The following HNRNPH1 variants were observed in gnomAD, a reference collection of about 807,000 sequenced individuals.
HNRNPH1 encodes the protein heterogeneous nuclear ribonucleoprotein H1, also known as heterogeneous nuclear ribonucleoprotein H.
Under a neutral mutation model 58.6 loss-of-function variants are expected in HNRNPH1, and 4 were observed. The observed-to-expected ratio is 0.07, with a 90% CI of 0.03 to 0.16. The LOEUF (loss-of-function observed/expected upper bound fraction) is 0.16. Among genes scored for constraint, HNRNPH1 ranks in the 10% least tolerant of loss-of-function variants. The probability of loss-of-function intolerance (pLI) is 1.00; values close to 1 mark genes in which losing one functional copy is unlikely to be tolerated. For synonymous variants in HNRNPH1, 192 were observed against 189.2 expected (o/e 1.01, Z -0.12); for missense variants, 271 against 564.2 (o/e 0.48, Z 5.26).
chr5:179,617,472 C>T (rs1462264105), intron 8 of HNRNPH1, 42 bp downstream of exon 9: 8 of 1,593,592 alleles, frequency 5.0e-6, no homozygotes, highest in East Asian at 2.2e-5. Flanking sequence ...GTTAGTCACA[C>T]AATCACCTGT....
At chr5:179,621,091 A>G in intron 2 of HNRNPH1, 56 bp from the exon 4 acceptor site, 2 of 1,582,322 alleles carry the variant, frequency 1.3e-6, no homozygotes, top group Non-Finnish European at 1.7e-6. Flanking sequence ...CAAAGTTCAG[A>G]CTTCCTGGGT....
At chr5:179,623,882 C>T (rs1350503216) in exon 1 of HNRNPH1, 3 of 152,294 alleles carry the variant, frequency 2.0e-5, no homozygotes, top group Non-Finnish European at 4.4e-5. Flanking sequence ...TTTTGTTGCG[C>T]CTGCGCCTTC....
At chr5:179,632,753 CTTTTTTT>C (rs752554745) in intron 2 of HNRNPH1, among the ~76,000 whole-genome samples, 1 of 92,014 alleles carries the variant, frequency 1.1e-5, no homozygotes, top group Admixed American at 1.5e-4. Context: ...AATCAAATAT[CTTTTTTT>C]TTTTTTTTTT....
At chr5:179,622,804 G>T (rs1195887160) in intron 1 of HNRNPH1, 1 of 152,290 alleles carries the variant, frequency 6.6e-6, no homozygotes, top group Non-Finnish European at 1.5e-5. Context: ...CTCCCCCAAG[G>T]GCCAGGAGGA....
intron 10 of HNRNPH1, chr5:179,616,642 G>A (rs1035071865): frequency 3.7e-5 from 21 of 566,150 alleles, no homozygotes; most frequent in East Asian, 8.8e-5. Flanking sequence ...GTTTCACTCC[G>A]TAGTCCCCTC....
At chr5:179,614,528 G>A (rs1186347106) in exon 13 of HNRNPH1, 2 of 181,244 alleles carry the variant, frequency 1.1e-5, no homozygotes, top group Admixed American at 5.6e-5. Context: ...CGTGGCAAAG[G>A]GCAACATTTA....
At chr5:179,624,212 G>A (rs1774097155) in exon 1 of HNRNPH1, 1 of 312,388 alleles carries the variant, frequency 3.2e-6, no homozygotes, top group Admixed American at 5.1e-5. Context: ...GCTGCAGATT[G>A]TCGAACGTCC....
At position 179,633,009 on chromosome 5, in the gene HNRNPH1, C is replaced by T. The variant is rs528873722; in HGVS notation, c.-32+1056G>A. Among the ~76,000 whole-genome samples the T allele has an allele frequency of 3.3e-5, 5 of 151,992 alleles. No individual in the cohort carries two copies. In the South Asian group the frequency reaches 1.0e-3, roughly 32 times the overall value. ...ACTAGCTGGGAATACAGGCGCCCAC[C>T]ACCACGCCCAGCTAATTTTTTGTAT... On this transcript the variant is annotated intron_variant, in intron 2 of 4. Coordinates refer to the HNRNPH1 transcript ENST00000521116.
chr5:179,626,783 T>TC (rs1774440517), upstream of HNRNPH1, among the ~76,000 whole-genome samples: 1 of 150,510 alleles, frequency 6.6e-6, no homozygotes, highest in Admixed American at 6.6e-5. Context: ...CTTCTTTTTT[T>TC]TTTTTTTTTT....
At chr5:179,616,645 G>GGCCCC in intron 10 of HNRNPH1, 1 of 570,440 alleles carries the variant, frequency 1.8e-6, no homozygotes, top group Non-Finnish European at 3.1e-6. Context: ...TCACTCCGTA[G>GGCCCC]TCCCCTCCCC....
chr5:179,625,487 CAA>C (rs36011321), upstream of HNRNPH1, among the ~76,000 whole-genome samples: 9 of 86,304 alleles, frequency 1.0e-4, no homozygotes, highest in Admixed American at 2.6e-4. Context: ...GACTCCCTCT[CAA>C]AAAAAAAAAA....
intron 1 of HNRNPH1, among the ~76,000 whole-genome samples, chr5:179,622,619 G>A (rs1375587765): frequency 2.6e-5 from 4 of 152,182 alleles, no homozygotes; most frequent in African/African-American, 7.2e-5. Flanking sequence ...ACTGAGGCAG[G>A]AGAATCGCTT....
chr5:179,619,041 T>A (rs774001830), intron 4 of HNRNPH1: 70 of 375,360 alleles, frequency 1.9e-4, no homozygotes, highest in Admixed American at 5.1e-4. Context: ...TTGATTGGGG[T>A]TAATAAGACT....
At chr5:179,629,583 C>A (rs1203737276), upstream of HNRNPH1, among the ~76,000 whole-genome samples, 1 of 151,960 alleles carries the variant, frequency 6.6e-6, no homozygotes, top group Non-Finnish European at 1.5e-5. Flanking sequence ...CCATGCCAGG[C>A]CAGAATTTGT....
intron 1 of HNRNPH1, chr5:179,621,771 T>C (rs1385368439): frequency 8.1e-6 from 3 of 369,306 alleles, no homozygotes; most frequent in Non-Finnish European, 1.6e-5. Context: ...CTGGGGCATT[T>C]ATCCGTTTTA....
At chr5:179,625,341 C>CA (rs957070941), upstream of HNRNPH1, among the ~76,000 whole-genome samples, 1 of 61,142 alleles carries the variant, frequency 1.6e-5, no homozygotes, top group African/African-American at 6.9e-5. Context: ...ACTAAAGATA[C>CA]AAAAATTATC....
exon 6 of HNRNPH1, chr5:179,618,025 CATT>C (rs747088298): frequency 6.2e-7 from 1 of 1,614,178 alleles, no homozygotes; most frequent in Admixed American, 1.7e-5. Context: ...CCATAGCCAT[CATT>C]ATAGCCATTG....
At chr5:179,617,437 A>T in intron 8 of HNRNPH1, 77 bp downstream of exon 9, 1 of 1,487,558 alleles carries the variant, frequency 6.7e-7, no homozygotes. Flanking sequence ...ATATATCCTT[A>T]TTTTTCCATT....
intron 10 of HNRNPH1, 38 bp downstream of exon 11, chr5:179,616,831 T>C (rs200060573): frequency 3.3e-6 from 5 of 1,510,822 alleles, no homozygotes; most frequent in African/African-American, 1.4e-5. Flanking sequence ...TATACAGATA[T>C]AAACGTTTTG....
Sources: allele counts gnomAD v4.1 joint callset (sites outside exome capture counted in the v4.1 genomes callset), GRCh38; gene constraint gnomAD v4.1.1; transcripts MANE v1.5; gene names NCBI Gene and HGNC (gene_info 2026-07-23, HGNC 2026-07-21).